NFIB: variants seen among roughly 807,000 people sequenced by gnomAD.
The protein encoded by NFIB is nuclear factor I B.
A neutral mutation model predicts 61.5 loss-of-function variants in NFIB; 11 were observed. The ratio of observed to expected loss-of-function variants is 0.18; its 90% CI spans 0.11 to 0.30. The LOEUF (loss-of-function observed/expected upper bound fraction) is 0.30, where lower values mean the gene tolerates loss of function less well. NFIB is among the 10% of genes least tolerant of loss of function. The probability of loss-of-function intolerance (pLI) is 1.00; values close to 1 mark genes in which losing one functional copy is unlikely to be tolerated. For synonymous variants in NFIB, 260 were observed against 216.5 expected (o/e 1.20, Z -1.76); for missense variants, 471 against 608.9 (o/e 0.77, Z 2.38).
At chr9:14,465,466 C>T in the NFIB span, among the ~76,000 whole-genome samples, 1 of 152,088 alleles carries the variant, frequency 6.6e-6, no homozygotes, top group Non-Finnish European at 1.5e-5. Flanking sequence ...AAGGCCTCTG[C>T]ATAGATATTA....
the NFIB span, among the ~76,000 whole-genome samples, chr9:14,453,912 C>T: frequency 2.0e-5 from 3 of 151,716 alleles, no homozygotes; most frequent in Non-Finnish European, 4.4e-5. Context: ...GAAACCCCAT[C>T]TCTACTAAAA....
chr9:14,148,262 A>T (rs938261621), intron 5 of NFIB, among the ~76,000 whole-genome samples: 4 of 152,014 alleles, frequency 2.6e-5, no homozygotes, highest in Non-Finnish European at 5.9e-5. Flanking sequence ...AGTTAGGATC[A>T]CACACACATG....
At chr9:14,431,360 T>TA in the NFIB span, among the ~76,000 whole-genome samples, 1 of 152,054 alleles carries the variant, frequency 6.6e-6, no homozygotes, top group African/African-American at 2.4e-5. Flanking sequence ...ATCACATTTT[T>TA]TAAAAAAAAA....
At chr9:14,251,751 C>T (rs566570453) in intron 2 of NFIB, among the ~76,000 whole-genome samples, 1 of 152,350 alleles carries the variant, frequency 6.6e-6, no homozygotes, top group South Asian at 2.1e-4. Flanking sequence ...GCATCCTGCA[C>T]ACCGCAGTCT....
At chr9:14,530,083 C>A in the NFIB span, among the ~76,000 whole-genome samples, 1 of 152,124 alleles carries the variant, frequency 6.6e-6, no homozygotes, top group African/African-American at 2.4e-5. Context: ...AACCTTTTTA[C>A]TTTTCCCCAA....
chr9:14,124,175 T>C (rs1179531632), intron 7 of NFIB, among the ~76,000 whole-genome samples: 1 of 152,182 alleles, frequency 6.6e-6, no homozygotes, highest in Non-Finnish European at 1.5e-5. Flanking sequence ...TCTAGGTCTC[T>C]CCTGTTTCGT....
At chr9:14,133,975 A>G (rs554015643) in intron 6 of NFIB, among the ~76,000 whole-genome samples, 1 of 152,304 alleles carries the variant, frequency 6.6e-6, no homozygotes, top group East Asian at 1.9e-4. Context: ...AAAGCTTTGT[A>G]CAATCCTTTG....
Position 14,396,281 on chromosome 9 carries a change from T to C in NFIB, c.108+2243A>G, listed in dbSNP as rs541377203. On this transcript the variant is annotated intron_variant, in intron 1 of 8. Transcript: ENST00000380934. ...CATTGGCTAAATCACCTTATTACAC[T>C]TCCATATAGTTGAAAAGAGGCTTAA... 1.8e-4 allele frequency among the ~76,000 whole-genome samples: 27 copies of C among 152,020 alleles called. 1 individual carries two copies. The highest frequency in any genetic ancestry group is 6.3e-4 in the African/African-American group (26 of 41,492).
the NFIB span, among the ~76,000 whole-genome samples, chr9:14,511,205 TA>T: frequency 2.0e-5 from 3 of 152,312 alleles, no homozygotes; most frequent in African/African-American, 7.2e-5. Flanking sequence ...AAGAAAAAAG[TA>T]ACTAATTGGT....
At chr9:14,159,977 G>A (rs975873229) in intron 3 of NFIB, among the ~76,000 whole-genome samples, 10 of 152,138 alleles carry the variant, frequency 6.6e-5, no homozygotes, top group East Asian at 1.9e-4. Context: ...AATTCCCTTC[G>A]TCTACCAAAG....
At chr9:14,487,862 G>C in the NFIB span, among the ~76,000 whole-genome samples, 3 of 152,144 alleles carry the variant, frequency 2.0e-5, no homozygotes, top group Admixed American at 6.5e-5. Context: ...GACGACGAAG[G>C]ATTTCAGTCA....
chr9:14,468,730 G>A, the NFIB span, among the ~76,000 whole-genome samples: 1 of 152,306 alleles, frequency 6.6e-6, no homozygotes, highest in East Asian at 1.9e-4. Context: ...TCACTTGTGA[G>A]GCATTTTGAA....
At chr9:14,209,131 G>C (rs535857195) in intron 2 of NFIB, among the ~76,000 whole-genome samples, 1 of 152,242 alleles carries the variant, frequency 6.6e-6, no homozygotes, top group Non-Finnish European at 1.5e-5. Flanking sequence ...TTCATATATA[G>C]TGGGAAAAAT....
In NFIB at chr9:14,183,904, T is replaced by TA. The variant is rs1038847905; in HGVS notation, c.563-4125dup. Among the ~76,000 whole-genome samples, 216 of 150,984 alleles carry TA rather than the reference T, an allele frequency of 1.4e-3. 1 individual carries two copies. Among genetic ancestry groups the TA allele is most frequent in the African/African-American group, 4.7e-3 (193 of 41,212 alleles). ...TGGGTTAAACATATGTTTATTCTTCTAAAAAAAAAGTAATGAAGTTATTTC... is the reference window on the plus strand; with the variant it reads ...TGGGTTAAACATATGTTTATTCTTCTAAAAAAAAAAGTAATGAAGTTATTTC... On this transcript the variant is annotated intron_variant, in intron 2 of 10. Coordinates refer to ENST00000380953, the MANE Select transcript of NFIB (RefSeq NM_001190737.2).
intron 10 of NFIB, among the ~76,000 whole-genome samples, chr9:14,091,442 A>G (rs907746424): frequency 2.0e-5 from 3 of 152,072 alleles, no homozygotes; most frequent in Admixed American, 6.6e-5. Context: ...AATCACATGT[A>G]TGGATAAAAT....
At chr9:14,150,607 T>A (rs1380639291) in intron 4 of NFIB, among the ~76,000 whole-genome samples, 1 of 151,998 alleles carries the variant, frequency 6.6e-6, no homozygotes, top group African/African-American at 2.4e-5. Context: ...AATATACGAG[T>A]CCTATCACTC....
At chr9:14,179,536 A>C (rs545576506) in intron 3 of NFIB, among the ~76,000 whole-genome samples, 191 bp downstream of exon 3, 1 of 152,354 alleles carries the variant, frequency 6.6e-6, no homozygotes, top group South Asian at 2.1e-4. Context: ...GTGATTAGGT[A>C]AATACTGATG....
intron 2 of NFIB, among the ~76,000 whole-genome samples, chr9:14,294,820 C>T (rs1047242344): frequency 1.3e-5 from 2 of 152,178 alleles, no homozygotes; most frequent in African/African-American, 4.8e-5. Context: ...GTCAATGTGA[C>T]ACGTGATTTA....
chr9:14,429,448 T>C, the NFIB span, among the ~76,000 whole-genome samples: 1 of 152,250 alleles, frequency 6.6e-6, no homozygotes, highest in Non-Finnish European at 1.5e-5. Context: ...TTTTCCTCCC[T>C]GCAAGGCCCA....
Sources: gnomAD v4.1 joint callset for allele counts (sites outside exome capture counted in the v4.1 genomes callset) on GRCh38, gnomAD v4.1.1 for gene constraint, MANE v1.5 for transcripts, NCBI Gene and HGNC (gene_info 2026-07-23, HGNC 2026-07-21) for gene names.